LRP1B: variants seen among roughly 807,000 people sequenced by gnomAD.
The protein encoded by LRP1B is low-density lipoprotein receptor-related protein 1B.
LRP1B carries 217 observed loss-of-function variants against 556.6 expected under a neutral mutation model. The ratio of observed to expected loss-of-function variants is 0.39; its 90% CI spans 0.35 to 0.44. LRP1B has a LOEUF of 0.44. LRP1B is among the 20% of genes least tolerant of loss of function. The probability of loss-of-function intolerance (pLI) is 1.00; values close to 1 mark genes in which losing one functional copy is unlikely to be tolerated. For missense variants in LRP1B, 5,053 were observed against 5,620.8 expected (o/e 0.90, Z 3.23); for synonymous variants, 2,047 against 1,865.8 (o/e 1.10, Z -2.50).
At chr2:141,411,770 A>G (rs1006390775) in intron 3 of LRP1B, among the ~76,000 whole-genome samples, 3 of 152,168 alleles carry the variant, frequency 2.0e-5, no homozygotes, top group Non-Finnish European at 4.4e-5. Flanking sequence ...AATGGAATAT[A>G]AAGCATTGCT....
chr2:140,711,097 C>A (rs928941200), intron 37 of LRP1B, among the ~76,000 whole-genome samples: 5 of 151,922 alleles, frequency 3.3e-5, no homozygotes, highest in Admixed American at 6.6e-5. Flanking sequence ...GTAGAGAAGT[C>A]GTTTTAAGGA....
At chr2:141,306,909 C>G (rs142658833) in intron 3 of LRP1B, among the ~76,000 whole-genome samples, 95 of 152,144 alleles carry the variant, frequency 6.2e-4, no homozygotes, top group African/African-American at 2.2e-3. Flanking sequence ...TATATTTGTT[C>G]AGTTTCCAAA....
intron 3 of LRP1B, among the ~76,000 whole-genome samples, chr2:141,379,314 G>T (rs1177995201): frequency 6.6e-6 from 1 of 152,132 alleles, no homozygotes; most frequent in Non-Finnish European, 1.5e-5. Context: ...ATAGACAAAG[G>T]CTAAGTTTAT....
At chr2:141,607,048 G>A (rs1190428804) in intron 2 of LRP1B, among the ~76,000 whole-genome samples, 1 of 151,280 alleles carries the variant, frequency 6.6e-6, no homozygotes, top group African/African-American at 2.4e-5. Context: ...CCTTCTGTGT[G>A]GCCAGCTTTT....
rs188732522 is a variant in LRP1B, at chr2:140,675,809, T to A, written c.6799+24441A>T. On this transcript the variant is annotated intron_variant, in intron 41 of 90. Transcript: ENST00000389484. ...TAATATAGACAGAGAGATAAATAGATGTATGTGTGTGTGCATACACATATA... is the reference window on the plus strand; with the variant it reads ...TAATATAGACAGAGAGATAAATAGAAGTATGTGTGTGTGCATACACATATA... Among the ~76,000 whole-genome samples the A allele has an allele frequency of 6.4e-3, 982 of 152,252 alleles. 5 individuals are homozygous for A. The highest frequency in any genetic ancestry group is 9.9e-3 in the Non-Finnish European group (672 of 68,006).
At chr2:140,562,645 C>A (rs187928522) in intron 43 of LRP1B, among the ~76,000 whole-genome samples, 2 of 151,858 alleles carry the variant, frequency 1.3e-5, no homozygotes, top group Non-Finnish European at 2.9e-5. Context: ...TTTTGAGACA[C>A]AGTCTTGCTC....
chr2:140,790,855 C>T (rs183750889), intron 32 of LRP1B, among the ~76,000 whole-genome samples: 11 of 152,110 alleles, frequency 7.2e-5, no homozygotes, highest in Admixed American at 3.9e-4. Context: ...AATCCCAGAA[C>T]TTTGGGAGGC....
chr2:141,167,807 A>G (rs188881083), intron 7 of LRP1B, among the ~76,000 whole-genome samples: 2 of 152,108 alleles, frequency 1.3e-5, no homozygotes, highest in African/African-American at 2.4e-5. Flanking sequence ...GACTTTTTAC[A>G]GTGACCATTG....
chr2:140,776,466 T>C (rs940158204), intron 32 of LRP1B, among the ~76,000 whole-genome samples: 1 of 80,338 alleles, frequency 1.2e-5, no homozygotes, highest in African/African-American at 3.2e-5. Flanking sequence ...ATTTAACTTT[T>C]CTTTTTCTTA....
chr2:141,421,627 A>G (rs1240651582), intron 3 of LRP1B, among the ~76,000 whole-genome samples: 1 of 152,222 alleles, frequency 6.6e-6, no homozygotes, highest in Non-Finnish European at 1.5e-5. Context: ...CTACTCAAAA[A>G]GGGCTAACAA....
intron 3 of LRP1B, among the ~76,000 whole-genome samples, chr2:141,287,391 C>T (rs933740301): frequency 1.3e-5 from 2 of 150,648 alleles, no homozygotes; most frequent in African/African-American, 2.4e-5. Context: ...GGCACAATCT[C>T]GGCTCACTGC....
intron 37 of LRP1B, 25 bp from the exon 38 acceptor site, chr2:140,702,578 G>C: frequency 6.2e-7 from 1 of 1,609,428 alleles, no homozygotes; most frequent in South Asian, 1.1e-5. Flanking sequence ...TTAATTTGTA[G>C]TGTTTATGTA....
At chr2:140,826,516 T>C (rs1225254442) in intron 31 of LRP1B, among the ~76,000 whole-genome samples, 1 of 152,032 alleles carries the variant, frequency 6.6e-6, no homozygotes, top group African/African-American at 2.4e-5. Flanking sequence ...ACCAGCAACA[T>C]CCAGGAACTC....
At chr2:140,423,303 CA>C (rs1323152418) in intron 66 of LRP1B, among the ~76,000 whole-genome samples, 3 of 151,904 alleles carry the variant, frequency 2.0e-5, no homozygotes, top group African/African-American at 7.3e-5. Flanking sequence ...ATCTCCCCCA[CA>C]AAAAATCTGG....
At chr2:140,724,776 A>G (rs1574284904) in intron 35 of LRP1B, among the ~76,000 whole-genome samples, 1 of 147,604 alleles carries the variant, frequency 6.8e-6, no homozygotes, top group Non-Finnish European at 1.5e-5. Context: ...TAATGCTTAT[A>G]CGGAATCTTG....
intron 1 of LRP1B, among the ~76,000 whole-genome samples, chr2:142,119,801 C>T (rs965760052): frequency 1.3e-5 from 2 of 152,012 alleles, no homozygotes; most frequent in African/African-American, 4.8e-5. Flanking sequence ...AAATAGACCC[C>T]AAACCGTTTG....
At chr2:141,112,294 G>A (rs1700775938) in intron 7 of LRP1B, among the ~76,000 whole-genome samples, 1 of 152,126 alleles carries the variant, frequency 6.6e-6, no homozygotes, top group Non-Finnish European at 1.5e-5. Flanking sequence ...CTGAGGTCAA[G>A]CAGGACAATG....
chr2:140,570,754 G>T (rs966484113), intron 43 of LRP1B, among the ~76,000 whole-genome samples: 1 of 151,580 alleles, frequency 6.6e-6, no homozygotes, highest in Non-Finnish European at 1.5e-5. Context: ...ATGAATATCA[G>T]TACAAAAATT....
At chr2:140,492,724 T>C in intron 56 of LRP1B, 31 bp from the exon 57 acceptor site, 1 of 1,408,658 alleles carries the variant, frequency 7.1e-7, no homozygotes, top group Non-Finnish European at 1.0e-6. Flanking sequence ...CATATTAGAC[T>C]TTAAGTATGT....
Sources: gnomAD v4.1 joint callset for allele counts (sites outside exome capture counted in the v4.1 genomes callset) on GRCh38, gnomAD v4.1.1 for gene constraint, MANE v1.5 for transcripts, NCBI Gene and HGNC (gene_info 2026-07-23, HGNC 2026-07-21) for gene names.